Variants in AKT2 observed in about 807,000 individuals in gnomAD.
AKT2 encodes the protein AKT serine/threonine kinase 2.
In AKT2, 16 loss-of-function variants were observed where a neutral mutation model predicts 58.6. That is an observed-to-expected ratio of 0.27 (90% confidence interval 0.18 to 0.41). AKT2 has a LOEUF of 0.41. Among genes scored for constraint, AKT2 ranks in the 10% least tolerant of loss-of-function variants. The pLI is 1.00. For missense variants in AKT2, 438 were observed against 661.0 expected (o/e 0.66, Z 3.70); for synonymous variants, 253 against 254.0 (o/e 1.00, Z 0.04).
chr19:40,244,052 A>G (rs1974582253), intron 4 of AKT2: 1 of 79,510 alleles, frequency 1.3e-5, no homozygotes, highest in South Asian at 5.7e-4. Flanking sequence ...CCAAAATAAT[A>G]ATAAAATAAT....
In AKT2 at chr19:40,237,188, G is replaced by A. The variant is rs1474656483; in HGVS notation, c.831+781C>T. On this transcript the variant is annotated intron_variant, in intron 9 of 13. Coordinates refer to ENST00000392038, the MANE Select transcript of AKT2 (RefSeq NM_001626.6). The surrounding 1 kb of genome is among the most constrained non-coding windows in gnomAD (Gnocchi z 4.5). Reference sequence around the variant, plus strand: ...AGAACACTCCACAGTGGATCTGACTGTTCCTCTCACAGTGGATACTTGGGT... The same window carrying A: ...AGAACACTCCACAGTGGATCTGACTATTCCTCTCACAGTGGATACTTGGGT... 6.5e-6 allele frequency: 1 copy of A among 154,312 alleles called. No individual in the cohort carries two copies. The highest frequency in any genetic ancestry group is 1.4e-5 in the Non-Finnish European group (1 of 69,532). 9.6% of individuals were successfully genotyped at this position (154,312 alleles called of 1,614,324 possible).
rs201279673 is a variant in AKT2, at chr19:40,238,855, C to A, written c.708+50G>T. The A allele has an allele frequency of 5.0e-6, 8 of 1,586,098 alleles. No homozygotes were observed. The highest frequency in any genetic ancestry group is 1.3e-5 in the African/African-American group (1 of 74,402). ...CACAGCTCCTCTCCATCCCGCCCCA[C>A]CCTAAAGAAGGAGGCCCCAGAGGGC... On this transcript the variant is annotated intron_variant, in intron 8 of 13. Coordinates refer to ENST00000392038, the MANE Select transcript of AKT2 (RefSeq NM_001626.6). The surrounding 1 kb of genome is among the most constrained non-coding windows in gnomAD (Gnocchi z 5.1).
Position 40,231,149 on chromosome 19 carries a change from G to A in AKT2, c.*2723C>T. The stretch of plus-strand genomic sequence containing the variant: ...ACTCTAAGTTCAAACACCCTTCTTG[G>A]GAAAAGCTCTACAGGATAACCACAC... On this transcript the variant is annotated 3_prime_UTR_variant, in exon 14 of 14. Coordinates refer to ENST00000392038, the MANE Select transcript of AKT2 (RefSeq NM_001626.6). 1 of 231,362 alleles carries A rather than the reference G, an allele frequency of 4.3e-6. No homozygotes were observed. Among genetic ancestry groups the A allele is most frequent in the East Asian group, 6.1e-5 (1 of 16,312 alleles). 14.3% of individuals were successfully genotyped at this position (231,362 alleles called of 1,614,324 possible).
intron 1 of AKT2, among the ~76,000 whole-genome samples, chr19:40,272,404 C>T (rs1481709390): frequency 6.6e-6 from 1 of 152,192 alleles, no homozygotes; most frequent in East Asian, 1.9e-4. Context: ...TCTGGCCACA[C>T]AACACAACAA....
At chr19:40,281,143 G>A (rs1365660621) in intron 1 of AKT2, among the ~76,000 whole-genome samples, 1 of 152,092 alleles carries the variant, frequency 6.6e-6, no homozygotes, top group African/African-American at 2.4e-5. Flanking sequence ...AGGCACTTCT[G>A]CTGCTCCCCC....
At position 40,235,179 on chromosome 19, in the gene AKT2, C is replaced by T. The variant is rs370393312; in HGVS notation, c.1264-32G>A. 8 of 1,612,974 alleles carry T rather than the reference C, an allele frequency of 5.0e-6. No homozygotes were observed. The highest frequency in any genetic ancestry group is 2.7e-5 in the African/African-American group (2 of 74,818). On this transcript the variant is annotated intron_variant, in intron 12 of 13. Transcript: ENST00000392038. This position sits in a 1 kb window ranked among gnomAD's most constrained non-coding sequence, Gnocchi z 6.3. ...AGGAGAGGAGCTCAGGCTCAGGGAC[C>T]CTGAGGCCAGGAGGCCTCAACCAAG...
In AKT2 at chr19:40,276,600, G is replaced by A. The variant is rs557200171; in HGVS notation, c.-85+8581C>T. ...AGGCTGGTACTGAACTCCTGACCTCGTGATCCACCCTCCTCGGCCTCCCAA... is the reference window on the plus strand; with the variant it reads ...AGGCTGGTACTGAACTCCTGACCTCATGATCCACCCTCCTCGGCCTCCCAA... On this transcript the variant is annotated intron_variant, in intron 1 of 13. Transcript: ENST00000392038. 5.3e-5 allele frequency among the ~76,000 whole-genome samples: 8 copies of A among 151,856 alleles called. No individual in the cohort carries two copies. The East Asian group carries it at 1.2e-3, about 22-fold the overall frequency.
chr19:40,253,359 G>A (rs1019144981), intron 4 of AKT2, among the ~76,000 whole-genome samples: 2 of 152,082 alleles, frequency 1.3e-5, no homozygotes, highest in Non-Finnish European at 2.9e-5. Context: ...GACAAAGTGG[G>A]AAAAAGAAAC....
rs747837364 is a variant in AKT2, at chr19:40,282,561, AGACATAG to A, written c.-85+2613_-85+2619del. The A allele has an allele frequency of 4.9e-5, 26 of 532,404 alleles. 1 individual carries two copies. The highest frequency in any genetic ancestry group is 2.8e-4 in the South Asian group (20 of 71,030). 33.0% of individuals were successfully genotyped at this position (532,404 alleles called of 1,614,324 possible). ...GAGGCTCAGGGGTAAGAGGAAGGAA[AGACATAG>A]GACAGTCACCTCTATAGGTAGAGGA... is the stretch of plus-strand genomic sequence containing the variant. On this transcript the variant is annotated intron_variant, in intron 1 of 13. Coordinates refer to ENST00000392038, the MANE Select transcript of AKT2 (RefSeq NM_001626.6).
At chr19:40,248,037 G>C (rs544913155) in intron 4 of AKT2, among the ~76,000 whole-genome samples, 2 of 152,162 alleles carry the variant, frequency 1.3e-5, no homozygotes, top group Admixed American at 6.5e-5. Flanking sequence ...AGGAGCTGTG[G>C]GGTCATTGCC....
intron 1 of AKT2, chr19:40,269,709 T>C (rs1976583314): frequency 6.6e-6 from 1 of 152,110 alleles, no homozygotes; most frequent in Non-Finnish European, 1.5e-5. Context: ...CACAAGAGAA[T>C]GAATAAACAA....
rs1032538349 is a variant in AKT2 at position 40,285,144 on chromosome 19, G to C, written c.-85+37C>G. Reference sequence around the variant, plus strand: ...CGGGGGGCCCGGACGCGACCATCGTGGGGGGGGCGTTCGGGGACACGCGCT... The same window carrying C: ...CGGGGGGCCCGGACGCGACCATCGTCGGGGGGGCGTTCGGGGACACGCGCT... On this transcript the variant is annotated intron_variant, in intron 1 of 13. Transcript: ENST00000392038. The C allele has an allele frequency of 1.3e-5, 5 of 389,784 alleles. No individual in the cohort carries two copies. In the South Asian group the frequency reaches 3.9e-4, roughly 30 times the overall value. The allele number at this position is 389,784 out of a possible 1,614,324, so 24.1% of individuals were successfully genotyped here.
intron 4 of AKT2, among the ~76,000 whole-genome samples, chr19:40,248,593 G>A (rs1173494710): frequency 6.6e-6 from 1 of 152,354 alleles, no homozygotes; most frequent in Middle Eastern, 3.4e-3. Flanking sequence ...AAGGAGGCAG[G>A]GGATTGGGAG....
At position 40,237,675 on chromosome 19, in the gene AKT2, G is replaced by A; in HGVS notation, c.831+294C>T. ...AAATACAAATAAAGTAGGTATTGTG[G>A]CAGTTGACACTCCGCTAGTGGCCTA... On this transcript the variant is annotated intron_variant, in intron 9 of 13. Coordinates refer to ENST00000392038, the MANE Select transcript of AKT2 (RefSeq NM_001626.6). The surrounding 1 kb of genome is among the most constrained non-coding windows in gnomAD (Gnocchi z 4.5). 1 of 406,764 alleles carries A rather than the reference G, an allele frequency of 2.5e-6. No individual in the cohort carries two copies. Among genetic ancestry groups the A allele is most frequent in the Non-Finnish European group, 4.6e-6 (1 of 216,684 alleles). The allele number at this position is 406,764 out of a possible 1,614,324, so 25.2% of individuals were successfully genotyped here.
intron 1 of AKT2, among the ~76,000 whole-genome samples, chr19:40,276,345 C>CTTTTTTTTTTT (rs748551877): frequency 1.7e-5 from 1 of 58,456 alleles, no homozygotes; most frequent in Non-Finnish European, 3.3e-5. Flanking sequence ...AAAATGGAAT[C>CTTTTTTTTTTT]TTTTTTTTTT....
rs758906645 is a variant in AKT2, at chr19:40,237,978, G to A, written c.822C>T (p.Arg274=). The A allele has an allele frequency of 1.7e-5, 28 of 1,613,562 alleles. No homozygotes were observed. Among genetic ancestry groups the A allele is most frequent in the South Asian group, 6.6e-5 (6 of 91,030 alleles). ...EYLHSRDVVY[R]DIKLENLMLD... is the part of the protein sequence containing the mutation. ...ACACCCTGCCACTAACCTTGATGTC[G>A]CGGTATACCACGTCCCGCGAGTGCA... is the stretch of plus-strand genomic sequence containing the variant. Residue 274 remains arginine (R), a synonymous_variant, in exon 9 of 14, where the codon CGC becomes CGT. Coordinates refer to ENST00000392038, the MANE Select transcript of AKT2 (RefSeq NM_001626.6). This position sits in a 1 kb window ranked among gnomAD's most constrained non-coding sequence, Gnocchi z 4.5.
intron 1 of AKT2, among the ~76,000 whole-genome samples, chr19:40,271,381 T>C (rs1420127908): frequency 2.1e-5 from 3 of 145,404 alleles, no homozygotes; most frequent in Non-Finnish European, 4.5e-5. Flanking sequence ...GAGCTGAGAT[T>C]GTGCCACTGC....
intron 4 of AKT2, among the ~76,000 whole-genome samples, chr19:40,244,894 C>A (rs1332322864): frequency 1.3e-5 from 2 of 152,242 alleles, no homozygotes; most frequent in Non-Finnish European, 2.9e-5. Context: ...CTGTATTCCT[C>A]CCCAGTCTCG....
rs1976297660 is a variant in AKT2, at chr19:40,265,663, A to C, written c.-84-312T>G. 4 of 354,884 alleles carry C rather than the reference A, an allele frequency of 1.1e-5. No individual in the cohort carries two copies. In the East Asian group the frequency reaches 1.8e-4, roughly 16 times the overall value. 22.0% of individuals were successfully genotyped at this position (354,884 alleles called of 1,614,324 possible). Reference sequence around the variant, plus strand: ...AGTCACTCCTGACTGAGCAAGCATCAAGGTAGCCGTGCCCTGCCCTCCCCG... The same window carrying C: ...AGTCACTCCTGACTGAGCAAGCATCCAGGTAGCCGTGCCCTGCCCTCCCCG... On this transcript the variant is annotated intron_variant, in intron 1 of 13. Coordinates refer to ENST00000392038, the MANE Select transcript of AKT2 (RefSeq NM_001626.6).
Sources: allele counts gnomAD v4.1 joint callset (sites outside exome capture counted in the v4.1 genomes callset), GRCh38; gene constraint gnomAD v4.1.1; non-coding constraint Gnocchi (gnomAD v3.1); transcripts MANE v1.5; gene names NCBI Gene and HGNC (gene_info 2026-07-23, HGNC 2026-07-21).